YIPF4: variants seen among roughly 807,000 people sequenced by gnomAD.
YIPF4 encodes the protein Yip1 domain family member 4, also known as protein YIPF4.
Under a neutral mutation model 29.4 loss-of-function variants are expected in YIPF4, and 18 were observed. That is an observed-to-expected ratio of 0.61 (90% CI 0.42 to 0.91). The LOEUF is 0.91. Among genes scored for constraint, YIPF4 ranks in the 40% least tolerant of loss-of-function variants. YIPF4 has a pLI of 0.00. For missense variants in YIPF4, 279 were observed against 282.7 expected, an observed-to-expected ratio of 0.99 and a Z score of 0.09; for synonymous variants, 115 against 104.7, an observed-to-expected ratio of 1.10 and a Z score of -0.60.
chr2:32,283,974 C>T (rs925954728), intron 1 of YIPF4, among the ~76,000 whole-genome samples: 2 of 152,158 alleles, frequency 1.3e-5, no homozygotes, highest in Non-Finnish European at 2.9e-5. Context: ...CCCACCTCTG[C>T]CTCCCAAAGT....
intron 5 of YIPF4, among the ~76,000 whole-genome samples, chr2:32,303,228 C>T (rs747838107): frequency 1.3e-4 from 20 of 152,104 alleles, no homozygotes; most frequent in African/African-American, 4.1e-4. Context: ...GGTGTGGTGG[C>T]GGGTACCTGT....
chr2:32,291,997 T>G (rs1378583780), intron 2 of YIPF4, among the ~76,000 whole-genome samples, 180 bp from the exon 3 acceptor site: 1 of 152,232 alleles, frequency 6.6e-6, no homozygotes, highest in African/African-American at 2.4e-5. Context: ...CATTTAGAGA[T>G]ATTGGAATGT....
chr2:32,293,188 GAAAC>G (rs1177631444), intron 3 of YIPF4, among the ~76,000 whole-genome samples: 1 of 152,034 alleles, frequency 6.6e-6, no homozygotes, highest in Non-Finnish European at 1.5e-5. Context: ...AGTGAACAAA[GAAAC>G]AAGTGAACAA....
In YIPF4 at chr2:32,297,285, C is replaced by T. The variant is rs185303044; in HGVS notation, c.406-949C>T. On this transcript the variant is annotated intron_variant, in intron 3 of 5. Coordinates refer to ENST00000238831, the MANE Select transcript of YIPF4 (RefSeq NM_032312.4). ...GATTACAGGCATGTGCCACCATGCC[C>T]GGCTAATTTTGTATTTTTTTTTACA... Among the ~76,000 whole-genome samples, 120 of 152,108 alleles carry T rather than the reference C, an allele frequency of 7.9e-4. 1 individual carries two copies. Among genetic ancestry groups the T allele is most frequent in the Admixed American group, 3.1e-3 (48 of 15,272 alleles).
intron 2 of YIPF4, among the ~76,000 whole-genome samples, chr2:32,291,794 AC>A (rs769875480): frequency 7.5e-4 from 114 of 152,250 alleles, no homozygotes; most frequent in Non-Finnish European, 1.3e-3. Flanking sequence ...AGAATATAAA[AC>A]CTACACTGGT....
Position 32,314,215 on chromosome 2 carries a change from C to A in YIPF4, c.*8589C>A, listed in dbSNP as rs1175443627. 6.6e-6 allele frequency: 1 copy of A among 152,102 alleles called. No individual in the cohort carries two copies. The highest frequency in any genetic ancestry group is 1.5e-5 in the Non-Finnish European group (1 of 68,038). The allele number at this position is 152,102 out of a possible 1,614,324, so 9.4% of individuals were successfully genotyped here. ...TTATGCAGCAATGAAAATAAATGAACTAAAGCCGCATACAAAAACATGAAG... is the reference window on the plus strand; with the variant it reads ...TTATGCAGCAATGAAAATAAATGAAATAAAGCCGCATACAAAAACATGAAG... On this transcript the variant is annotated 3_prime_UTR_variant, in exon 6 of 6. Coordinates refer to ENST00000238831, the MANE Select transcript of YIPF4 (RefSeq NM_032312.4).
intron 5 of YIPF4, among the ~76,000 whole-genome samples, chr2:32,304,129 T>A (rs2031497063): frequency 6.6e-6 from 1 of 152,220 alleles, no homozygotes; most frequent in South Asian, 2.1e-4. Context: ...AAAATTTTTT[T>A]CCTGATCATT....
rs2148954971 is a variant in YIPF4, at chr2:32,277,971, TGGTGG to T, written c.-181_-177del. ...TGGGTGGTCGCCACCAAGAAGACTT[TGGTGG>T]GGTAGTCTCGGGGCAGCTCAGCGGC... On this transcript the variant is annotated 5_prime_UTR_variant, in exon 1 of 6. An upstream open reading frame in the 5' UTR loses its in-frame stop. Transcript: ENST00000238831. 1.8e-6 allele frequency: 1 copy of T among 545,986 alleles called. No individual in the cohort carries two copies. The highest frequency in any genetic ancestry group is 2.0e-5 in the African/African-American group (1 of 49,206). The allele number at this position is 545,986 out of a possible 1,614,324, so 33.8% of individuals were successfully genotyped here.
intron 1 of YIPF4, among the ~76,000 whole-genome samples, chr2:32,283,237 T>C (rs889226883): frequency 6.6e-6 from 1 of 152,164 alleles, no homozygotes; most frequent in Non-Finnish European, 1.5e-5. Flanking sequence ...TTTATTGTTT[T>C]CCAACATGAA....
In YIPF4 at chr2:32,301,441, A is replaced by G. The variant is rs1436013353; in HGVS notation, c.543A>G (p.Ile181Met). 3.1e-6 allele frequency: 5 copies of G among 1,613,888 alleles called. No homozygotes were observed. The Admixed American group carries it at 5.0e-5, about 16-fold the overall frequency. ...IGYSLLPLIV[I>M]APVLLVVGSF... is the part of the protein sequence containing the mutation. ...ATTCATTACTTCCTCTCATTGTAAT[A>G]GCCCCTGTACTTTTGGTGGTTGGAT... Residue 181 changes from isoleucine (I) to methionine (M), a missense_variant, in exon 5 of 6, where the codon ATA (isoleucine) becomes ATG (methionine). Physicochemically the swap from Ile to Met is conservative, Grantham distance 10. Transcript: ENST00000238831.
At chr2:32,285,471 G>T (rs1436225827) in intron 1 of YIPF4, among the ~76,000 whole-genome samples, 1 of 152,024 alleles carries the variant, frequency 6.6e-6, no homozygotes, top group Non-Finnish European at 1.5e-5. Context: ...AATACCTGCA[G>T]CTCACAATAC....
chr2:32,313,654 CTG>C lies in YIPF4; in HGVS notation c.*8031_*8032del, dbSNP rs1472995476. The C allele has an allele frequency of 2.0e-5, 3 of 152,240 alleles. No homozygotes were observed. Among genetic ancestry groups the C allele is most frequent in the Non-Finnish European group, 4.4e-5 (3 of 68,122 alleles). 9.4% of individuals were successfully genotyped at this position (152,240 alleles called of 1,614,324 possible). On this transcript the variant is annotated 3_prime_UTR_variant, in exon 6 of 6. Transcript: ENST00000238831. ...GTGCTGGGATTACAGGCGTGAGACACTGTGCCCAGCCTGTCAGAGCTTTTGAG... is the reference window on the plus strand; with the variant it reads ...GTGCTGGGATTACAGGCGTGAGACACTGCCCAGCCTGTCAGAGCTTTTGAG...
rs557268883 is a variant in YIPF4, at chr2:32,292,209, A to G, written c.266A>G (p.Tyr89Cys). Reference protein sequence around the residue: ...EELDIDLKDIYYKIRCVLMPM... With the variant: ...EELDIDLKDICYKIRCVLMPM... ...TTGGACATTGATCTAAAGGATATTTACTACAAAATCCGATGTGTTTTGATG... is the reference window on the plus strand; with the variant it reads ...TTGGACATTGATCTAAAGGATATTTGCTACAAAATCCGATGTGTTTTGATG... Residue 89 changes from tyrosine to cysteine, a missense_variant, in exon 3 of 6, where the codon TAC becomes TGC. By Grantham distance (194) the Tyr-to-Cys change is radical (BLOSUM62 -2). Transcript: ENST00000238831. 5.0e-6 allele frequency: 8 copies of G among 1,584,936 alleles called. No individual in the cohort carries two copies. In the African/African-American group the frequency reaches 8.1e-5, roughly 16 times the overall value.
chr2:32,293,819 C>T (rs550308948), intron 3 of YIPF4, among the ~76,000 whole-genome samples: 3 of 147,478 alleles, frequency 2.0e-5, no homozygotes, highest in South Asian at 2.1e-4. Context: ...ACCTCCCGGA[C>T]GGGGCGGCTG....
intron 1 of YIPF4, among the ~76,000 whole-genome samples, chr2:32,279,118 C>A (rs1338543533): frequency 6.6e-6 from 1 of 151,822 alleles, no homozygotes; most frequent in South Asian, 2.1e-4. Flanking sequence ...CAGGCACCCG[C>A]CACCACCCCC....
intron 1 of YIPF4, among the ~76,000 whole-genome samples, chr2:32,279,399 T>TTC (rs2030277966): frequency 7.4e-6 from 1 of 135,990 alleles, no homozygotes; most frequent in African/African-American, 2.8e-5. Flanking sequence ...TTTTCCTTTT[T>TTC]TTTTTTTTTT....
chr2:32,314,568 G>C lies in YIPF4; in HGVS notation c.*8942G>C, dbSNP rs2031784104. ...CGTGCCTGTAATCCCAGCTACTCTG[G>C]AGGCTGAGACAGGAGAATCGCTTGA... is the stretch of plus-strand genomic sequence containing the variant. On this transcript the variant is annotated 3_prime_UTR_variant, in exon 6 of 6. Transcript: ENST00000238831. 2 of 152,198 alleles carry C rather than the reference G, an allele frequency of 1.3e-5. No homozygotes were observed. The highest frequency in any genetic ancestry group is 6.6e-5 in the Admixed American group (1 of 15,244). The allele number at this position is 152,198 out of a possible 1,614,324, so 9.4% of individuals were successfully genotyped here.
chr2:32,283,836 G>A (rs1162029691), intron 1 of YIPF4, among the ~76,000 whole-genome samples: 2 of 151,594 alleles, frequency 1.3e-5, no homozygotes, highest in Non-Finnish European at 2.9e-5. Context: ...TCCTGCCTCA[G>A]CCTCCCAAGT....
intron 3 of YIPF4, among the ~76,000 whole-genome samples, chr2:32,292,878 A>G (rs553283185): frequency 7.3e-5 from 11 of 150,908 alleles, no homozygotes; most frequent in South Asian, 4.2e-4. Flanking sequence ...AAAAAAAAAA[A>G]AAAAAGAAAA....
Sources: gnomAD v4.1 joint callset for allele counts (sites outside exome capture counted in the v4.1 genomes callset) on GRCh38, gnomAD v4.1.1 for gene constraint, MANE v1.5 for transcripts, NCBI Gene and HGNC (gene_info 2026-07-23, HGNC 2026-07-21) for gene names.